The following PCDHGB1 variants were observed in gnomAD, a reference collection of about 807,000 sequenced individuals.
The protein encoded by PCDHGB1 is protocadherin gamma-B1.
Under a neutral mutation model 56.6 loss-of-function variants are expected in PCDHGB1, and 34 were observed. The observed-to-expected ratio is 0.60, with a 90% CI of 0.46 to 0.80. The LOEUF is 0.80. PCDHGB1 is among the 30% of genes least tolerant of loss of function. The probability of loss-of-function intolerance (pLI) is 0.00; values close to 1 mark genes in which losing one functional copy is unlikely to be tolerated. For synonymous variants in PCDHGB1, 561 were observed against 505.9 expected (o/e 1.11, Z -1.46); for missense variants, 1,278 against 1,204.6 (o/e 1.06, Z -0.90).
At chr5:141,413,081 C>CAG in intron 1 of PCDHGB1, 1 of 1,339,426 alleles carries the variant, frequency 7.5e-7, no homozygotes, top group South Asian at 1.5e-5. Flanking sequence ...GCCCAGGCTA[C>CAG]AGAGACACCC....
Position 141,350,603 on chromosome 5 carries a change from C to T in PCDHGB1, c.343C>T (p.His115Tyr). 6.2e-7 allele frequency: 1 copy of T among 1,614,000 alleles called. No homozygotes were observed. Among genetic ancestry groups the T allele is most frequent in the Non-Finnish European group, 8.5e-7 (1 of 1,179,890 alleles). The change falls in exon 1 of 4, where the codon CAC becomes TAC. Residue 115 changes from histidine to tyrosine, a missense_variant. By Grantham distance (83) the His-to-Tyr change is moderately conservative (BLOSUM62 2). Transcript: ENST00000523390. ...TVAENPMNVF[H>Y]VVVVIQDIND... ...CGCTGAAAACCCAATGAATGTTTTCCACGTGGTTGTTGTAATCCAAGATAT... is the reference window on the plus strand; with the variant it reads ...CGCTGAAAACCCAATGAATGTTTTCTACGTGGTTGTTGTAATCCAAGATAT...
chr5:141,499,485 A>G (rs1278629076), intron 2 of PCDHGB1, among the ~76,000 whole-genome samples: 2 of 152,226 alleles, frequency 1.3e-5, no homozygotes, highest in Non-Finnish European at 2.9e-5. Flanking sequence ...ACCACCAACT[A>G]CAGTTTAATA....
intron 1 of PCDHGB1, chr5:141,355,258 C>G (rs1330047112): frequency 6.2e-7 from 1 of 1,613,408 alleles, no homozygotes; most frequent in Non-Finnish European, 8.5e-7. Flanking sequence ...CTGCCTTCTC[C>G]TGGGGGTTCT....
In PCDHGB1 at chr5:141,418,608, GC is replaced by G. The variant is rs1422456031; in HGVS notation, c.2409+65941del. On this transcript the variant is annotated intron_variant, in intron 1 of 3. Transcript: ENST00000523390. Reference sequence around the variant, plus strand: ...TTCAGCCAGGACGTGTACAGGGTTAGCCTTCGGGAAGACGTGCCTCCAGGCA... The same window carrying G: ...TTCAGCCAGGACGTGTACAGGGTTAGCTTCGGGAAGACGTGCCTCCAGGCA... 4 of 1,613,922 alleles carry G rather than the reference GC, an allele frequency of 2.5e-6. No individual in the cohort carries two copies. In the African/African-American group the frequency reaches 5.3e-5, roughly 22 times the overall value.
intron 1 of PCDHGB1, chr5:141,427,887 C>T (rs759734297): frequency 3.8e-6 from 6 of 1,565,908 alleles, no homozygotes; most frequent in South Asian, 1.1e-5. Flanking sequence ...GGCCCACGAC[C>T]AGGGCTCGCC....
intron 1 of PCDHGB1, chr5:141,420,410 A>G (rs2096494809): frequency 2.4e-6 from 3 of 1,236,296 alleles, no homozygotes; most frequent in South Asian, 4.4e-5. Flanking sequence ...TATGGTTATC[A>G]TTATTAAAAC....
intron 1 of PCDHGB1, among the ~76,000 whole-genome samples, chr5:141,455,460 A>G (rs1175234914): frequency 1.3e-5 from 2 of 152,186 alleles, no homozygotes; most frequent in Non-Finnish European, 2.9e-5. Flanking sequence ...GATACCAGCC[A>G]GGTATATATG....
At chr5:141,386,425 C>T (rs996269178) in intron 1 of PCDHGB1, among the ~76,000 whole-genome samples, 2 of 151,916 alleles carry the variant, frequency 1.3e-5, no homozygotes, top group East Asian at 1.9e-4. Context: ...AGCTGTAGCC[C>T]ACCTGCATGG....
intron 1 of PCDHGB1, among the ~76,000 whole-genome samples, chr5:141,386,359 C>A (rs566341507): frequency 6.6e-6 from 1 of 152,014 alleles, no homozygotes; most frequent in African/African-American, 2.4e-5. Flanking sequence ...AATCTTGATT[C>A]CAGAGACCTT....
intron 1 of PCDHGB1, among the ~76,000 whole-genome samples, chr5:141,460,912 G>GTGTATATATA (rs145509489): frequency 6.7e-6 from 1 of 149,236 alleles, no homozygotes; most frequent in Non-Finnish European, 1.5e-5. Flanking sequence ...ATTCCATGGT[G>GTGTATATATA]TATATATATA....
chr5:141,484,697 T>C (rs746981788), intron 1 of PCDHGB1, among the ~76,000 whole-genome samples: 11 of 151,988 alleles, frequency 7.2e-5, no homozygotes, highest in Non-Finnish European at 1.3e-4. Context: ...AGGCTGTGGC[T>C]GTTTTCCCCG....
rs369227893 is a variant in PCDHGB1, at chr5:141,419,063, T to A, written c.2409+66394T>A. 47 of 1,613,840 alleles carry A rather than the reference T, an allele frequency of 2.9e-5. No homozygotes were observed. The highest frequency in any genetic ancestry group is 4.0e-5 in the Non-Finnish European group (47 of 1,179,904). On this transcript the variant is annotated intron_variant, in intron 1 of 3. Coordinates refer to ENST00000523390, the MANE Select transcript of PCDHGB1 (RefSeq NM_018922.3). ...GATTCATTCTTCTTCTAATAATTACTACAAGCTAGTAACAGATGAGGCCCT... is the reference window on the plus strand; with the variant it reads ...GATTCATTCTTCTTCTAATAATTACAACAAGCTAGTAACAGATGAGGCCCT...
At chr5:141,435,510 T>C (rs72790047) in intron 1 of PCDHGB1, among the ~76,000 whole-genome samples, 9,714 of 152,280 alleles carry the variant, frequency 0.064, 363 homozygotes, top group African/African-American at 0.099. Context: ...ATGATACTAA[T>C]GATGACTTTG....
Position 141,352,411 on chromosome 5 carries a change from C to T in PCDHGB1, c.2151C>T (p.Leu717=), listed in dbSNP as rs1254355246. 1 of 1,614,030 alleles carries T rather than the reference C, an allele frequency of 6.2e-7. No homozygotes were observed. The highest frequency in any genetic ancestry group is 2.2e-5 in the East Asian group (1 of 44,882). The change falls in exon 1 of 4, where the codon CTC becomes CTT. Residue 717 remains leucine (L), a synonymous_variant. Transcript: ENST00000523390. The part of the protein sequence containing the change: ...IALRLRRSSS[L]DTEGCFQTGL... The stretch of plus-strand genomic sequence containing the variant: ...TGCGCCTGCGACGTTCCTCCAGCCT[C>T]GACACTGAGGGCTGCTTTCAAACCG...
At chr5:141,403,612 G>A (rs1314297922) in intron 1 of PCDHGB1, 1 of 1,613,854 alleles carries the variant, frequency 6.2e-7, no homozygotes, top group Non-Finnish European at 8.5e-7. Flanking sequence ...GCGGCGAGCC[G>A]CGTCGCTCCA....
At chr5:141,382,364 T>A (rs919179170) in intron 1 of PCDHGB1, among the ~76,000 whole-genome samples, 6 of 152,264 alleles carry the variant, frequency 3.9e-5, no homozygotes, top group African/African-American at 1.4e-4. Flanking sequence ...AAATAAAATT[T>A]ACCTTTTTGC....
rs1029080327 is a variant in PCDHGB1 at position 141,512,737 on chromosome 5, G to C, written c.*1564G>C. 6.5e-5 allele frequency: 10 copies of C among 152,868 alleles called. No individual in the cohort carries two copies. The highest frequency in any genetic ancestry group is 2.4e-4 in the African/African-American group (10 of 41,472). 9.5% of individuals were successfully genotyped at this position (152,868 alleles called of 1,614,324 possible). On this transcript the variant is annotated 3_prime_UTR_variant, in exon 4 of 4. Transcript: ENST00000523390. Reference sequence around the variant, plus strand: ...ATGGCGGGTGGGCAGCGGGCGGCGGGCTCCGCGCAGCCGTCTGTCCTTGAT... The same window carrying C: ...ATGGCGGGTGGGCAGCGGGCGGCGGCCTCCGCGCAGCCGTCTGTCCTTGAT...
At chr5:141,427,818 G>A (rs1356936077) in intron 1 of PCDHGB1, 3 of 1,530,644 alleles carry the variant, frequency 2.0e-6, no homozygotes, top group Non-Finnish European at 2.7e-6. Context: ...GAGCGGGGTG[G>A]TGGTCGCGCA....
chr5:141,426,307 A>G (rs958090236), intron 1 of PCDHGB1: 2 of 172,782 alleles, frequency 1.2e-5, no homozygotes, highest in African/African-American at 4.7e-5. Context: ...GGTGAAGCAG[A>G]GAAGCAGGAC....
Sources: gnomAD v4.1 joint callset for allele counts (sites outside exome capture counted in the v4.1 genomes callset) on GRCh38, gnomAD v4.1.1 for gene constraint, MANE v1.5 for transcripts, NCBI Gene and HGNC (gene_info 2026-07-23, HGNC 2026-07-21) for gene names.